Variants in TF observed in about 807,000 individuals in gnomAD.
TF encodes serotransferrin.
In TF, 55 loss-of-function variants were observed where a neutral mutation model predicts 82.4. The ratio of observed to expected loss-of-function variants is 0.67; its 90% CI spans 0.54 to 0.84. The LOEUF is 0.84. Ranked by LOEUF, TF falls within the 40% of genes least tolerant of loss-of-function variation. The pLI is 0.00. For missense variants in TF, 737 were observed against 868.4 expected (o/e 0.85, Z 1.90); for synonymous variants, 332 against 332.6 (o/e 1.00, Z 0.02).
At position 133,766,340 on chromosome 3, in the gene TF, G is replaced by A; in HGVS notation, c.1393G>A (p.Gly465Ser). The A allele has an allele frequency of 6.2e-7, 1 of 1,614,252 alleles. No individual in the cohort carries two copies. The highest frequency in any genetic ancestry group is 1.1e-5 in the South Asian group (1 of 91,084). ...ASDLTWDNLK[G>S]KKSCHTAVGR... ...TGACCTCACCTGGGACAATCTGAAA[G>A]GCAAGAAGTCCTGCCATACGGCAGT... The change falls in exon 12 of 17, where the codon GGC becomes AGC. Residue 465 changes from glycine to serine, a missense_variant. Physicochemically the swap from Gly to Ser is moderately conservative, Grantham distance 56. Transcript: ENST00000402696.
the TF span, among the ~76,000 whole-genome samples, chr3:133,663,606 T>C: frequency 6.6e-6 from 1 of 152,196 alleles, no homozygotes; most frequent in South Asian, 2.1e-4. Context: ...TATTCCCGTT[T>C]ACTCTTTTCA....
chr3:133,728,234 T>C, the TF span, among the ~76,000 whole-genome samples: 5 of 152,330 alleles, frequency 3.3e-5, no homozygotes, highest in African/African-American at 1.2e-4. Flanking sequence ...TCCTGGATAA[T>C]ATCCTGCAGA....
chr3:133,788,198 C>T lies in TF; in HGVS notation c.*9578C>T, dbSNP rs927596988. On this transcript the variant is annotated 3_prime_UTR_variant, in exon 17 of 17. Coordinates refer to ENST00000402696, the MANE Select transcript of TF (RefSeq NM_001063.4). ...TCAGCTATGACAGGACATATACTCT[C>T]CAACAGAGTAAATGACTTTGTAACT... 7 of 152,204 alleles carry T rather than the reference C, an allele frequency of 4.6e-5. No homozygotes were observed. Among genetic ancestry groups the T allele is most frequent in the African/African-American group, 1.7e-4 (7 of 41,452 alleles). The allele number at this position is 152,204 out of a possible 1,614,324, so 9.4% of individuals were successfully genotyped here.
In TF at chr3:133,793,714, G is replaced by A. The variant is rs1934901643; in HGVS notation, c.*15094G>A. ...TTTAAAGTCATTTCCACAGTTAATT[G>A]CTTAATGCTGATGCAGTTTCTGAAA... On this transcript the variant is annotated 3_prime_UTR_variant, in exon 17 of 17. Coordinates refer to ENST00000402696, the MANE Select transcript of TF (RefSeq NM_001063.4). The A allele has an allele frequency of 5.3e-5, 8 of 152,100 alleles. No homozygotes were observed. Among genetic ancestry groups the A allele is most frequent in the Admixed American group, 5.2e-4 (8 of 15,270 alleles). 9.4% of individuals were successfully genotyped at this position (152,100 alleles called of 1,614,324 possible). A position where few individuals can be genotyped will look rare whatever the true frequency, so the allele number is the denominator to read the frequency against.
the TF span, among the ~76,000 whole-genome samples, chr3:133,723,661 A>ATTATTATTC: frequency 6.8e-6 from 1 of 147,378 alleles, no homozygotes; most frequent in Non-Finnish European, 1.5e-5. Flanking sequence ...TATTATTATT[A>ATTATTATTC]TTATTATTAT....
At chr3:133,697,444 T>C in the TF span, among the ~76,000 whole-genome samples, 1 of 152,252 alleles carries the variant, frequency 6.6e-6, no homozygotes, top group Non-Finnish European at 1.5e-5. Flanking sequence ...TTAATGATAG[T>C]GGCAGCATCT....
chr3:133,698,193 A>G, the TF span, among the ~76,000 whole-genome samples: 40,105 of 152,272 alleles, frequency 0.26, 5,610 homozygotes, highest in African/African-American at 0.32. Flanking sequence ...CCCACTCTGT[A>G]GAGTGTACTT....
intron 16 of TF, chr3:133,777,726 A>C (rs1934429881): frequency 5.7e-6 from 1 of 175,792 alleles, no homozygotes; most frequent in Admixed American, 5.4e-5. Flanking sequence ...ATCATCACAG[A>C]AAGCTCTTTC....
At chr3:133,673,541 A>G in the TF span, among the ~76,000 whole-genome samples, 6 of 152,362 alleles carry the variant, frequency 3.9e-5, no homozygotes, top group African/African-American at 1.4e-4. Context: ...ATAAAGGGCA[A>G]CTATAAACAA....
At chr3:133,745,469 T>C (rs1933474318), upstream of TF, among the ~76,000 whole-genome samples, 1 of 152,230 alleles carries the variant, frequency 6.6e-6, no homozygotes, top group East Asian at 1.9e-4. Context: ...TGTGCATGAT[T>C]GAAGTGTACA....
the TF span, among the ~76,000 whole-genome samples, chr3:133,677,541 G>T: frequency 6.6e-6 from 1 of 152,162 alleles, no homozygotes; most frequent in Admixed American, 6.5e-5. Context: ...GGAGGCTGAG[G>T]CAGGAGAATC....
At chr3:133,746,053 G>A (rs148074660), upstream of TF, 533 of 390,318 alleles carry the variant, frequency 1.4e-3, 3 homozygotes, top group African/African-American at 9.6e-3. Flanking sequence ...TGCGCAGATA[G>A]GACTGGTGGC....
chr3:133,721,770 T>C, the TF span, among the ~76,000 whole-genome samples: 1 of 152,236 alleles, frequency 6.6e-6, no homozygotes, highest in African/African-American at 2.4e-5. Context: ...TGCTCCACTA[T>C]TGGATGCATA....
At chr3:133,769,912 G>A (rs997062141) in intron 13 of TF, among the ~76,000 whole-genome samples, 1 of 152,162 alleles carries the variant, frequency 6.6e-6, no homozygotes, top group African/African-American at 2.4e-5. Context: ...GTAGCTCAGA[G>A]CTGTGTTACA....
At chr3:133,764,042 T>A in intron 9 of TF, 140 bp from the exon 10 acceptor site, 1 of 741,598 alleles carries the variant, frequency 1.3e-6, no homozygotes, top group Non-Finnish European at 2.5e-6. Flanking sequence ...CTGGCTGATC[T>A]TTTGGGGGTT....
the TF span, among the ~76,000 whole-genome samples, chr3:133,712,989 C>T: frequency 6.6e-6 from 1 of 152,196 alleles, no homozygotes; most frequent in Admixed American, 6.5e-5. Context: ...AGGGCACTCT[C>T]CTGCAGACCC....
At chr3:133,721,199 A>T in the TF span, among the ~76,000 whole-genome samples, 1 of 152,034 alleles carries the variant, frequency 6.6e-6, no homozygotes, top group Non-Finnish European at 1.5e-5. Flanking sequence ...GTTTATTAGA[A>T]ATCTTCTTTC....
rs1441019450 is a variant in TF, at chr3:133,757,752, T to G, written c.871-17T>G. On this transcript the variant is annotated splice_polypyrimidine_tract_variant and intron_variant, in intron 7 of 16. Transcript: ENST00000402696. ...TCTTCTGTGTTGCCATCCACTATTC[T>G]GTTTTTCTATGAACAGGAACATTTT... 3 of 1,611,394 alleles carry G rather than the reference T, an allele frequency of 1.9e-6. No homozygotes were observed. The highest frequency in any genetic ancestry group is 2.5e-6 in the Non-Finnish European group (3 of 1,177,594).
the TF span, among the ~76,000 whole-genome samples, chr3:133,702,613 C>T: frequency 6.6e-6 from 1 of 151,340 alleles, no homozygotes; most frequent in African/African-American, 2.4e-5. Flanking sequence ...TGATGATGAT[C>T]TCTGAGTGAC....
Sources: gnomAD v4.1 joint callset for allele counts (sites outside exome capture counted in the v4.1 genomes callset) on GRCh38, gnomAD v4.1.1 for gene constraint, MANE v1.5 for transcripts, NCBI Gene and HGNC (gene_info 2026-07-23, HGNC 2026-07-21) for gene names.